The following ARSG variants were observed in gnomAD, a reference collection of about 807,000 sequenced individuals.
The protein encoded by ARSG is ASG.
Under a neutral mutation model 50.5 loss-of-function variants are expected in ARSG, and 37 were observed. The observed-to-expected ratio is 0.73, with a 90% CI of 0.56 to 0.96. The LOEUF (loss-of-function observed/expected upper bound fraction) is 0.96, where lower values mean the gene tolerates loss of function less well. ARSG is among the 50% of genes least tolerant of loss of function. The probability of loss-of-function intolerance (pLI) is 0.00; values close to 1 mark genes in which losing one functional copy is unlikely to be tolerated. For missense variants in ARSG, 629 were observed against 675.3 expected (o/e 0.93, Z 0.76); for synonymous variants, 225 against 254.6 (o/e 0.88, Z 1.11).
upstream of ARSG, among the ~76,000 whole-genome samples, chr17:68,287,296 C>G (rs1485894071): frequency 6.6e-6 from 1 of 151,808 alleles, no homozygotes; most frequent in African/African-American, 2.4e-5. Context: ...GGATTACACG[C>G]GTGAGCCAGC....
rs185721883 is a variant in ARSG, at chr17:68,273,028, A to G, written c.-552+13602A>G. Among the ~76,000 whole-genome samples the G allele has an allele frequency of 2.3e-3, 344 of 151,792 alleles. 3 individuals carry two copies. Among genetic ancestry groups the G allele is most frequent in the Admixed American group, 2.4e-3 (37 of 15,192 alleles). On this transcript the variant is annotated intron_variant, in intron 1 of 11. Transcript: ENST00000448504. ...TTGCAACACTTTTTTTCAAATTTAT[A>G]TAATTCACAATGGATGAAACTATTA...
chr17:68,358,991 G>A (rs1286157848), intron 6 of ARSG, among the ~76,000 whole-genome samples: 2 of 151,846 alleles, frequency 1.3e-5, no homozygotes, highest in African/African-American at 2.4e-5. Flanking sequence ...ATGAAACCCC[G>A]TCTCTACTAA....
rs758762932 is a variant in ARSG at position 68,356,854 on chromosome 17, C to T, written c.704+50C>T. Reference sequence around the variant, plus strand: ...GGGCCTCCCCCTGCCTCCACCTACCCGTGCACACACACCATGTCCCTTGGC... The same window carrying T: ...GGGCCTCCCCCTGCCTCCACCTACCTGTGCACACACACCATGTCCCTTGGC... On this transcript the variant is annotated intron_variant, in intron 6 of 11. Coordinates refer to ENST00000621439, the MANE Select transcript of ARSG (RefSeq NM_001267727.2). 1.5e-5 allele frequency: 24 copies of T among 1,610,720 alleles called. No individual in the cohort carries two copies. In the African/African-American group the frequency reaches 1.9e-4, roughly 13 times the overall value.
intron 11 of ARSG, among the ~76,000 whole-genome samples, chr17:68,404,032 G>A (rs192336620): frequency 2.0e-5 from 3 of 152,128 alleles, no homozygotes; most frequent in Admixed American, 6.6e-5. Flanking sequence ...TACCAAGGAC[G>A]TGAACTCATC....
Position 68,383,894 on chromosome 17 carries a change from A to G in ARSG, c.983-1170A>G, listed in dbSNP as rs2080567323. On this transcript the variant is annotated intron_variant, in intron 8 of 11. Coordinates refer to ENST00000621439, the MANE Select transcript of ARSG (RefSeq NM_001267727.2). ...TAAACATAAACAGTCCATAGGACAT[A>G]AGTTATTTTGTGTTTTGTTTCTTAC... 2.0e-5 allele frequency among the ~76,000 whole-genome samples: 3 copies of G among 152,178 alleles called. No individual in the cohort carries two copies. The South Asian group carries it at 6.2e-4, about 31-fold the overall frequency.
rs145415249 is a variant in ARSG at position 68,301,156 on chromosome 17, T to C, written c.-551-5787T>C. Among the ~76,000 whole-genome samples, 391 of 151,574 alleles carry C rather than the reference T, an allele frequency of 2.6e-3. 5 individuals carry two copies. The highest frequency in any genetic ancestry group is 0.017 in the Middle Eastern group (5 of 288). ...AAGCATTTTAATTACGTAAGTGAAA[T>C]TGCTCTCCCAGGCTGGATAGAGGCA... On this transcript the variant is annotated intron_variant, in intron 1 of 11. Coordinates refer to ENST00000621439, the MANE Select transcript of ARSG (RefSeq NM_001267727.2).
At position 68,346,753 on chromosome 17, in the gene ARSG, G is replaced by T. The variant is rs188558188; in HGVS notation, c.407-372G>T. 5.5e-5 allele frequency: 71 copies of T among 1,290,354 alleles called. No homozygotes were observed. The East Asian group carries it at 3.0e-3, about 55-fold the overall frequency. 79.9% of individuals were successfully genotyped at this position (1,290,354 alleles called of 1,614,324 possible). A position where few individuals can be genotyped will look rare whatever the true frequency, so the allele number is the denominator to read the frequency against. On this transcript the variant is annotated intron_variant, in intron 3 of 11. Coordinates refer to ENST00000621439, the MANE Select transcript of ARSG (RefSeq NM_001267727.2). ...TGTGGGGCGGTGCACCTGCACCCTG[G>T]GCCTCCTGGTGCCTTTGCAGGGCCC...
chr17:68,269,673 G>GTT (rs782421181), intron 1 of ARSG, among the ~76,000 whole-genome samples: 5 of 77,908 alleles, frequency 6.4e-5, no homozygotes, highest in African/African-American at 1.5e-4. Flanking sequence ...TTCACTTTAG[G>GTT]TTTTTTTTTT....
chr17:68,307,297 G>T lies in ARSG; in HGVS notation c.-197G>T, dbSNP rs1271598950. On this transcript the variant is annotated 5_prime_UTR_variant, in exon 2 of 12. Coordinates refer to ENST00000621439, the MANE Select transcript of ARSG (RefSeq NM_001267727.2). ...TTTTGAATTAGGATTCCAGATGGGGGCCTCATTTCTACAGCCCCCAACATT... is the reference window on the plus strand; with the variant it reads ...TTTTGAATTAGGATTCCAGATGGGGTCCTCATTTCTACAGCCCCCAACATT... 6 of 544,140 alleles carry T rather than the reference G, an allele frequency of 1.1e-5. No individual in the cohort carries two copies. Among genetic ancestry groups the T allele is most frequent in the Non-Finnish European group, 2.0e-5 (6 of 307,060 alleles). The allele number at this position is 544,140 out of a possible 1,614,324, so 33.7% of individuals were successfully genotyped here.
intron 6 of ARSG, among the ~76,000 whole-genome samples, chr17:68,365,174 G>A (rs1260596359): frequency 1.3e-5 from 2 of 152,024 alleles, no homozygotes; most frequent in Non-Finnish European, 2.9e-5. Flanking sequence ...GCCAGGTGTG[G>A]TGGCGTGCAT....
chr17:68,426,251 G>GGGGGGGGGGGGA, downstream of ARSG: 3 of 825,460 alleles, frequency 3.6e-6, 1 homozygote, highest in Non-Finnish European at 5.8e-6. Context: ...GTGGGGAGCG[G>GGGGGGGGGGGGA]GGGCTCAAAT....
At position 68,346,581 on chromosome 17, in the gene ARSG, C is replaced by T. The variant is rs139699946; in HGVS notation, c.407-544C>T. Among the ~76,000 whole-genome samples the T allele has an allele frequency of 2.7e-3, 412 of 152,236 alleles. 6 individuals carry two copies. Among genetic ancestry groups the T allele is most frequent in the African/African-American group, 8.5e-3 (353 of 41,520 alleles). The stretch of plus-strand genomic sequence containing the variant: ...TGCCCGATTATTCCCCCAGACTGAG[C>T]GCATTTGCAGACCGAGGAGCAGCAG... On this transcript the variant is annotated intron_variant, in intron 3 of 11. Transcript: ENST00000621439.
chr17:68,426,735 A>G (rs2083220322), downstream of ARSG, among the ~76,000 whole-genome samples: 1 of 152,112 alleles, frequency 6.6e-6, no homozygotes, highest in Admixed American at 6.6e-5. Flanking sequence ...GGGTTTCACC[A>G]TGTTGGCTAG....
chr17:68,331,962 A>T (rs545208056), intron 2 of ARSG, among the ~76,000 whole-genome samples: 1 of 152,302 alleles, frequency 6.6e-6, no homozygotes, highest in Admixed American at 6.5e-5. Context: ...CCGAGGCAAA[A>T]TTAGAATTGC....
In ARSG at chr17:68,420,213, G is replaced by C. The variant is rs189928799; in HGVS notation, c.1328G>C (p.Ser443Thr). 1 of 1,614,026 alleles carries C rather than the reference G, an allele frequency of 6.2e-7. No homozygotes were observed. Among genetic ancestry groups the C allele is most frequent in the Admixed American group, 1.7e-5 (1 of 60,004 alleles). The stretch of plus-strand genomic sequence containing the variant: ...GGTGGAGCCAGGGCGTGTGATGGGA[G>C]CACGGGGCCTGAGCTGCAGCATAAG... ...ITGGARACDG[S>T]TGPELQHKFP... Residue 443 changes from serine to threonine, a missense_variant, in exon 12 of 12, where the codon AGC (serine) becomes ACC (threonine). Transcript: ENST00000621439.
chr17:68,417,733 ATTTTTTTTTTTTT>A (rs770292731), intron 11 of ARSG, among the ~76,000 whole-genome samples: 21 of 60,832 alleles, frequency 3.5e-4, no homozygotes, highest in South Asian at 9.2e-4. Flanking sequence ...GAGTTGCTGA[ATTTTTTTTTTTTT>A]TTTTTTTTTT....
intron 1 of ARSG, among the ~76,000 whole-genome samples, chr17:68,261,105 A>G (rs376512706): frequency 2.6e-5 from 4 of 152,298 alleles, no homozygotes; most frequent in South Asian, 2.1e-4. Flanking sequence ...TCAGTGTCCT[A>G]TGGTTATCCA....
intron 2 of ARSG, among the ~76,000 whole-genome samples, chr17:68,310,248 C>A (rs2076798267): frequency 6.6e-6 from 1 of 152,266 alleles, no homozygotes; most frequent in Non-Finnish European, 1.5e-5. Context: ...GCGTGAGCCA[C>A]CACACCCAGC....
chr17:68,371,043 G>A (rs72839378), intron 8 of ARSG, among the ~76,000 whole-genome samples: 11,604 of 152,148 alleles, frequency 0.076, 513 homozygotes, highest in African/African-American at 0.12. Flanking sequence ...AGGCTAGGCC[G>A]GGCGCGGTGG....
Sources: gnomAD v4.1 joint callset for allele counts (sites outside exome capture counted in the v4.1 genomes callset) on GRCh38, gnomAD v4.1.1 for gene constraint, MANE v1.5 for transcripts, NCBI Gene and HGNC (gene_info 2026-07-23, HGNC 2026-07-21) for gene names.